ARFGEF3: variants seen among roughly 807,000 people sequenced by gnomAD.
The protein encoded by ARFGEF3 is ARFGEF family member 3.
ARFGEF3 carries 96 observed loss-of-function variants against 221.7 expected under a neutral mutation model. The ratio of observed to expected loss-of-function variants is 0.43; its 90% CI spans 0.37 to 0.51. The LOEUF (loss-of-function observed/expected upper bound fraction) is 0.51, where lower values mean the gene tolerates loss of function less well. Ranked by LOEUF, ARFGEF3 falls within the 20% of genes least tolerant of loss-of-function variation. The probability of loss-of-function intolerance (pLI) is 0.00; values close to 1 mark genes in which losing one functional copy is unlikely to be tolerated. For missense variants in ARFGEF3, 2,410 were observed against 2,789.9 expected (o/e 0.86, Z 3.07); for synonymous variants, 1,145 against 1,126.8 (o/e 1.02, Z -0.32).
chr6:138,192,489 A>G (rs1583003395), intron 2 of ARFGEF3, among the ~76,000 whole-genome samples: 2 of 139,300 alleles, frequency 1.4e-5, no homozygotes, highest in South Asian at 2.1e-4. Context: ...CTCTGTCTCA[A>G]AAAAAAACTA....
Position 138,311,478 on chromosome 6 carries a change from C to A in ARFGEF3, c.4168C>A (p.Pro1390Thr), listed in dbSNP as rs1351312975. 6.2e-7 allele frequency: 1 copy of A among 1,604,180 alleles called. No individual in the cohort carries two copies. The highest frequency in any genetic ancestry group is 1.7e-5 in the Admixed American group (1 of 58,808). ...PGAPSTDLCL[P>T]ALDYLRRCSQ... ...AGCCCCGTCCACAGACCTGTGCCTC[C>A]CGGCCCTGGATTACCTCAGGCGCTG... The change falls in exon 25 of 34, where the codon CCG becomes ACG. Residue 1390 changes from proline to threonine, a missense_variant. Physicochemically the swap from Pro to Thr is conservative, Grantham distance 38 (BLOSUM62 -1). Coordinates refer to ENST00000251691, the MANE Select transcript of ARFGEF3 (RefSeq NM_020340.5).
Position 138,263,229 on chromosome 6 carries a change from C to T in ARFGEF3, c.1746C>T (p.Cys582=). The T allele has an allele frequency of 6.2e-7, 1 of 1,614,024 alleles. No homozygotes were observed. Among genetic ancestry groups the T allele is most frequent in the Non-Finnish European group, 8.5e-7 (1 of 1,179,888 alleles). The part of the protein sequence containing the change: ...PDITNFLSVD[C]RTRSYGSRYS... Reference sequence around the variant, plus strand: ...TAACTAACTTCCTGTCAGTAGACTGCAGGACAAGGTCCTATGGATCTAGGT... The same window carrying T: ...TAACTAACTTCCTGTCAGTAGACTGTAGGACAAGGTCCTATGGATCTAGGT... Residue 582 remains cysteine, a synonymous_variant, in exon 12 of 34, where the codon TGC becomes TGT. Coordinates refer to ENST00000251691, the MANE Select transcript of ARFGEF3 (RefSeq NM_020340.5).
At chr6:138,265,464 T>C (rs1223575811) in intron 12 of ARFGEF3, among the ~76,000 whole-genome samples, 3 of 152,210 alleles carry the variant, frequency 2.0e-5, no homozygotes, top group Non-Finnish European at 2.9e-5. Flanking sequence ...TTTTTTTATT[T>C]GTGTGTGTAA....
intron 17 of ARFGEF3, among the ~76,000 whole-genome samples, chr6:138,287,716 A>G (rs1417108549): frequency 2.6e-5 from 4 of 152,216 alleles, no homozygotes; most frequent in Non-Finnish European, 5.9e-5. Flanking sequence ...ATCTGGATCT[A>G]AGGGAAAAGA....
intron 2 of ARFGEF3, among the ~76,000 whole-genome samples, chr6:138,189,363 T>C (rs1428364060): frequency 6.6e-6 from 1 of 152,222 alleles, no homozygotes; most frequent in Non-Finnish European, 1.5e-5. Flanking sequence ...ACGACATCCC[T>C]ACTTTATAGA....
intron 29 of ARFGEF3, 29 bp from the exon 30 acceptor site, chr6:138,323,642 A>G (rs767192546): frequency 1.9e-6 from 3 of 1,597,464 alleles, no homozygotes; most frequent in African/African-American, 2.7e-5. Flanking sequence ...CAACAAAAAA[A>G]AAACTCCTTT....
In ARFGEF3 at chr6:138,223,946, C is replaced by T. The variant is rs549043238; in HGVS notation, c.352-5838C>T. Among the ~76,000 whole-genome samples, 9 of 152,274 alleles carry T rather than the reference C, an allele frequency of 5.9e-5. No homozygotes were observed. The East Asian group carries it at 1.7e-3, about 29-fold the overall frequency. ...AAGATAAGAGATTATCTTATTTGTT[C>T]ACTGCTGTGTGTCCAACAACTACGC... On this transcript the variant is annotated intron_variant, in intron 4 of 33. Transcript: ENST00000251691.
chr6:138,335,226 G>A (rs1401869060), intron 33 of ARFGEF3, 38 bp downstream of exon 33: 2 of 1,493,324 alleles, frequency 1.3e-6, no homozygotes, highest in Non-Finnish European at 1.8e-6. Context: ...GCGGGAGGCT[G>A]GGTTTCCAGT....
At position 138,335,027 on chromosome 6, in the gene ARFGEF3, T is replaced by TC; in HGVS notation, c.6185dup (p.Leu2063AlafsTer112). ...GCCACTGGGTCCCAGGGGCCAGGAC[T>TC]CCCCGCTGCTTCAGCGTCCCCAGCA... is the stretch of plus-strand genomic sequence containing the variant. On this transcript the variant is annotated frameshift_variant, in exon 33 of 34. Coordinates refer to ENST00000251691, the MANE Select transcript of ARFGEF3 (RefSeq NM_020340.5). LOFTEE classifies it high-confidence loss of function. The TC allele has an allele frequency of 6.3e-7, 1 of 1,592,978 alleles. No homozygotes were observed. Among genetic ancestry groups the TC allele is most frequent in the Non-Finnish European group, 8.5e-7 (1 of 1,170,522 alleles).
rs1036161563 is a variant in ARFGEF3 at position 138,296,733 on chromosome 6, C to T, written c.3503-77C>T. Reference sequence around the variant, plus strand: ...CTACTGGTCCTACCTAGATTTTCAACCTCTCTCTTTGCTTGAATAGGTCAG... The same window carrying T: ...CTACTGGTCCTACCTAGATTTTCAATCTCTCTCTTTGCTTGAATAGGTCAG... On this transcript the variant is annotated intron_variant, in intron 20 of 33. Transcript: ENST00000251691. 9.8e-6 allele frequency: 15 copies of T among 1,533,578 alleles called. No homozygotes were observed. The Admixed American group carries it at 1.9e-4, about 19-fold the overall frequency. 95.0% of individuals were successfully genotyped at this position (1,533,578 alleles called of 1,614,324 possible). A position where few individuals can be genotyped will look rare whatever the true frequency, so the allele number is the denominator to read the frequency against.
intron 8 of ARFGEF3, among the ~76,000 whole-genome samples, chr6:138,248,111 T>G (rs1778517788): frequency 6.6e-6 from 1 of 152,182 alleles, no homozygotes; most frequent in African/African-American, 2.4e-5. Context: ...GATGAACAGA[T>G]GGGAGCTAGA....
chr6:138,278,728 T>A (rs1465738672), intron 13 of ARFGEF3, 111 bp downstream of exon 13: 2 of 1,153,804 alleles, frequency 1.7e-6, no homozygotes, highest in African/African-American at 3.1e-5. Context: ...TGTTCCAGAC[T>A]GCTCTAGGTT....
intron 20 of ARFGEF3, among the ~76,000 whole-genome samples, chr6:138,296,506 AGACGGTCG>A (rs1779522898): frequency 6.6e-6 from 1 of 152,168 alleles, no homozygotes; most frequent in Admixed American, 6.5e-5. Context: ...ATTCGAATCC[AGACGGTCG>A]GACTTCTCGG....
intron 2 of ARFGEF3, among the ~76,000 whole-genome samples, chr6:138,187,552 A>G (rs1311071661): frequency 1.3e-5 from 2 of 152,220 alleles, no homozygotes; most frequent in East Asian, 1.9e-4. Context: ...CCCAGCCTGC[A>G]TAAGAATATT....
At chr6:138,266,325 GAGAA>G (rs1778890799) in intron 12 of ARFGEF3, among the ~76,000 whole-genome samples, 1 of 151,896 alleles carries the variant, frequency 6.6e-6, no homozygotes, top group Admixed American at 6.6e-5. Flanking sequence ...GCAAGGCAGA[GAGAA>G]AGAAGGGAAG....
chr6:138,204,339 CAAAAA>C (rs11336345), intron 2 of ARFGEF3, among the ~76,000 whole-genome samples: 1 of 60,400 alleles, frequency 1.7e-5, no homozygotes, highest in African/African-American at 5.2e-5. Context: ...ACTCCATCTC[CAAAAA>C]AAAAAAAAAA....
intron 4 of ARFGEF3, chr6:138,218,443 T>A: frequency 6.8e-7 from 1 of 1,476,008 alleles, no homozygotes; most frequent in Non-Finnish European, 9.0e-7. Context: ...AGAAGAATAA[T>A]TTTGTAAATT....
intron 14 of ARFGEF3, among the ~76,000 whole-genome samples, chr6:138,281,551 T>A (rs563269519): frequency 5.1e-4 from 78 of 152,342 alleles, no homozygotes; most frequent in Admixed American, 3.0e-3. Flanking sequence ...CGCTTACAAG[T>A]GAGAACATAT....
intron 2 of ARFGEF3, among the ~76,000 whole-genome samples, chr6:138,173,786 A>T (rs1014651469): frequency 1.1e-4 from 17 of 152,184 alleles, no homozygotes; most frequent in African/African-American, 4.1e-4. Flanking sequence ...GCTGTTCACA[A>T]CATTGGTGGG....
Sources: gnomAD v4.1 joint callset for allele counts (sites outside exome capture counted in the v4.1 genomes callset) on GRCh38, gnomAD v4.1.1 for gene constraint, MANE v1.5 for transcripts, NCBI Gene and HGNC (gene_info 2026-07-23, HGNC 2026-07-21) for gene names.